The following KIDINS220 variants were observed in gnomAD, a reference collection of about 807,000 sequenced individuals.
The protein encoded by KIDINS220 is kinase D interacting substrate 220.
KIDINS220 carries 63 observed loss-of-function variants against 157.6 expected under a neutral mutation model. The observed-to-expected ratio is 0.40, with a 90% CI of 0.33 to 0.49. The LOEUF (loss-of-function observed/expected upper bound fraction) is 0.49, where lower values mean the gene tolerates loss of function less well. KIDINS220 is among the 20% of genes least tolerant of loss of function. KIDINS220 has a pLI of 0.66. For missense variants in KIDINS220, 1,772 were observed against 2,171.2 expected, an observed-to-expected ratio of 0.82 and a Z score of 3.65; for synonymous variants, 732 against 783.6, an observed-to-expected ratio of 0.93 and a Z score of 1.10.
In KIDINS220 at chr2:8,785,746, T is replaced by C. The variant is rs979155952; in HGVS notation, c.2224A>G (p.Met742Val). Residue 742 changes from methionine to valine, a missense_variant, in exon 17 of 30, where the codon ATG (methionine) becomes GTG (valine). By Grantham distance (21) the Met-to-Val change is conservative. Transcript: ENST00000256707. The stretch of plus-strand genomic sequence containing the variant: ...AATAACCAATGAGTGCTTACTTTCA[T>C]GAATCCTTCACTTTTCAATTTGTGC... Reference protein sequence around the residue: ...KLHKLKSEGFMKVLKCEVELM... With the variant: ...KLHKLKSEGFVKVLKCEVELM... 3 of 1,605,208 alleles carry C rather than the reference T, an allele frequency of 1.9e-6. No homozygotes were observed. Among genetic ancestry groups the C allele is most frequent in the African/African-American group, 2.7e-5 (2 of 74,310 alleles).
intron 1 of KIDINS220, 78 bp from the exon 2 acceptor site, chr2:8,827,207 CA>C: frequency 1.7e-6 from 1 of 575,586 alleles, no homozygotes; most frequent in Non-Finnish European, 3.0e-6. Context: ...TCCTTCTTAA[CA>C]TTAACCTCAT....
chr2:8,805,801 A>G (rs538601417), intron 7 of KIDINS220, among the ~76,000 whole-genome samples: 1 of 152,274 alleles, frequency 6.6e-6, no homozygotes, highest in African/African-American at 2.4e-5. Context: ...TTGTCTCCCA[A>G]CTGCCTGCAG....
Position 8,815,416 on chromosome 2 carries a change from GA to G in KIDINS220, c.307-2082del, listed in dbSNP as rs1309250253. On this transcript the variant is annotated intron_variant, in intron 4 of 29. Coordinates refer to ENST00000256707, the MANE Select transcript of KIDINS220 (RefSeq NM_020738.4). Reference sequence around the variant, plus strand: ...TGTCTCAAAAAAAAAAAAAGAAAAAGAAAAAAAAAGGGAGGCCTAGGCAGGA... The same window carrying G: ...TGTCTCAAAAAAAAAAAAAGAAAAAGAAAAAAAAGGGAGGCCTAGGCAGGA... Among the ~76,000 whole-genome samples, 13 of 145,898 alleles carry G rather than the reference GA, an allele frequency of 8.9e-5. 1 individual carries two copies. In the East Asian group the frequency reaches 1.2e-3, roughly 14 times the overall value.
intron 2 of KIDINS220, among the ~76,000 whole-genome samples, chr2:8,824,063 C>G (rs1678399097): frequency 6.6e-6 from 1 of 151,264 alleles, no homozygotes; most frequent in South Asian, 2.1e-4. Context: ...CAAATAATAT[C>G]TTAGATAGGA....
At chr2:8,807,629 A>G (rs1004398839) in intron 6 of KIDINS220, among the ~76,000 whole-genome samples, 6 of 152,188 alleles carry the variant, frequency 3.9e-5, no homozygotes, top group African/African-American at 1.4e-4. Context: ...CATGTCAGGC[A>G]CCACAGCAAC....
chr2:8,789,232 T>C (rs1672837148), intron 14 of KIDINS220, among the ~76,000 whole-genome samples: 1 of 151,832 alleles, frequency 6.6e-6, no homozygotes, highest in Non-Finnish European at 1.5e-5. Flanking sequence ...ATGGTCAAAA[T>C]GCTCAAGAGC....
chr2:8,817,220 AAAAT>A (rs1434564221), intron 4 of KIDINS220, among the ~76,000 whole-genome samples: 2 of 152,226 alleles, frequency 1.3e-5, no homozygotes, highest in African/African-American at 2.4e-5. Context: ...CACATTTTTA[AAAAT>A]AAATCTAAAA....
intron 12 of KIDINS220, among the ~76,000 whole-genome samples, chr2:8,792,245 A>G (rs1673293567): frequency 6.6e-6 from 1 of 152,198 alleles, no homozygotes; most frequent in Non-Finnish European, 1.5e-5. Context: ...AACTGCAGGA[A>G]AAGACTAATG....
intron 2 of KIDINS220, among the ~76,000 whole-genome samples, chr2:8,826,383 C>T (rs531941868): frequency 1.3e-5 from 2 of 151,984 alleles, no homozygotes; most frequent in Non-Finnish European, 2.9e-5. Flanking sequence ...CCAAGGTGGG[C>T]GGATCAACTG....
At chr2:8,836,232 A>G (rs537423079) in intron 1 of KIDINS220, among the ~76,000 whole-genome samples, 1 of 151,712 alleles carries the variant, frequency 6.6e-6, no homozygotes, top group Non-Finnish European at 1.5e-5. Flanking sequence ...GAGAAAGAGC[A>G]GACTTTTCTC....
At chr2:8,770,493 G>C (rs1350585955) in intron 22 of KIDINS220, among the ~76,000 whole-genome samples, 177 bp downstream of exon 22, 2 of 152,098 alleles carry the variant, frequency 1.3e-5, no homozygotes, top group East Asian at 3.9e-4. Context: ...TTACATGACA[G>C]GATATATACC....
At chr2:8,783,868 C>G (rs2148234761) in intron 17 of KIDINS220, among the ~76,000 whole-genome samples, 1 of 152,012 alleles carries the variant, frequency 6.6e-6, no homozygotes, top group African/African-American at 2.4e-5. Context: ...CAATACTTGA[C>G]CTAAAGATTT....
In KIDINS220 at chr2:8,730,105, T is replaced by C; in HGVS notation, c.*615A>G. The C allele has an allele frequency of 1.0e-6, 1 of 985,880 alleles. No homozygotes were observed. The highest frequency in any genetic ancestry group is 1.2e-6 in the Non-Finnish European group (1 of 830,268). 61.1% of individuals were successfully genotyped at this position (985,880 alleles called of 1,614,324 possible). ...ACAGCTCAGGACAGCCCCGTCACAC[T>C]ACTGCCAGCCCTGGTGACTCACTTT... is the stretch of plus-strand genomic sequence containing the variant. On this transcript the variant is annotated 3_prime_UTR_variant, in exon 30 of 30. Coordinates refer to ENST00000256707, the MANE Select transcript of KIDINS220 (RefSeq NM_020738.4).
intron 8 of KIDINS220, among the ~76,000 whole-genome samples, chr2:8,801,408 T>G (rs1674671283): frequency 6.6e-6 from 1 of 152,054 alleles, no homozygotes; most frequent in South Asian, 2.1e-4. Context: ...GCAGACAAAT[T>G]TTAGTTGGGA....
In KIDINS220 at chr2:8,747,751, T is replaced by C. The variant is rs1666784426; in HGVS notation, c.3528+136A>G. 14 of 445,332 alleles carry C rather than the reference T, an allele frequency of 3.1e-5. No individual in the cohort carries two copies. The East Asian group carries it at 5.0e-4, about 16-fold the overall frequency. 27.6% of individuals were successfully genotyped at this position (445,332 alleles called of 1,614,324 possible). A position where few individuals can be genotyped will look rare whatever the true frequency, so the allele number is the denominator to read the frequency against. ...AAATGAAAATAAATACATTTTATGT[T>C]AGTAATAGGTTGTTTCTTAAAACTA... On this transcript the variant is annotated intron_variant, in intron 25 of 29. Coordinates refer to ENST00000256707, the MANE Select transcript of KIDINS220 (RefSeq NM_020738.4).
At chr2:8,765,436 A>G (rs1669346467) in intron 22 of KIDINS220, among the ~76,000 whole-genome samples, 1 of 152,190 alleles carries the variant, frequency 6.6e-6, no homozygotes, top group Admixed American at 6.6e-5. Context: ...CATGGCAAGA[A>G]ACAGGAAGGA....
Position 8,778,653 on chromosome 2 carries a change from C to T in KIDINS220, c.2689G>A (p.Ala897Thr). The T allele has an allele frequency of 6.2e-7, 1 of 1,613,054 alleles. No individual in the cohort carries two copies. Among genetic ancestry groups the T allele is most frequent in the Non-Finnish European group, 8.5e-7 (1 of 1,179,006 alleles). Residue 897 changes from alanine to threonine, a missense_variant, in exon 20 of 30, where the codon GCC becomes ACC. Physicochemically the swap from Ala to Thr is moderately conservative, Grantham distance 58 (BLOSUM62 0). Around this residue, in one of 3 missense-constraint regions of KIDINS220, gnomAD observed 725 missense variants for 1,017.1 expected, o/e 0.71. Transcript: ENST00000256707. ...TGGCATCTTACCCGTCTATTGAGGG[C>T]TGTCTTGCTACCAAGTTTTGTCATC... ...GEMTKLGSKT[A>T]LNRRDTYRRR... is the part of the protein sequence containing the mutation.
chr2:8,796,294 G>T (rs1003574646), intron 11 of KIDINS220, among the ~76,000 whole-genome samples: 1 of 152,138 alleles, frequency 6.6e-6, no homozygotes, highest in African/African-American at 2.4e-5. Flanking sequence ...AAATCTATAT[G>T]AAGTATGAAG....
At chr2:8,806,103 T>G (rs1675406662) in intron 7 of KIDINS220, among the ~76,000 whole-genome samples, 168 bp downstream of exon 7, 1 of 152,232 alleles carries the variant, frequency 6.6e-6, no homozygotes, top group Admixed American at 6.5e-5. Flanking sequence ...ATAGTATATA[T>G]GTTTATAATA....
Sources: allele counts gnomAD v4.1 joint callset (sites outside exome capture counted in the v4.1 genomes callset), GRCh38; gene constraint gnomAD v4.1.1; regional missense constraint gnomAD v4.1.1; transcripts MANE v1.5; gene names NCBI Gene and HGNC (gene_info 2026-07-23, HGNC 2026-07-21).